The following MPPED2 variants were observed in gnomAD, a reference collection of about 807,000 sequenced individuals.
The protein encoded by MPPED2 is metallophosphoesterase domain containing 2.
In MPPED2, 5 loss-of-function variants were observed where a neutral mutation model predicts 33.0. The ratio of observed to expected loss-of-function variants is 0.15; its 90% CI spans 0.08 to 0.32. The LOEUF (loss-of-function observed/expected upper bound fraction) is 0.32. MPPED2 is among the 10% of genes least tolerant of loss of function. The pLI is 1.00. For missense variants in MPPED2, 275 were observed against 372.1 expected (o/e 0.74, Z 2.15); for synonymous variants, 136 against 141.9 (o/e 0.96, Z 0.29).
intron 2 of MPPED2, among the ~76,000 whole-genome samples, chr11:30,572,755 T>C (rs939210104): frequency 2.6e-5 from 4 of 152,188 alleles, no homozygotes; most frequent in Non-Finnish European, 4.4e-5. Flanking sequence ...TTTTCCTCTG[T>C]GTGAGCGTTA....
At chr11:30,471,139 C>T (rs1020198258) in intron 4 of MPPED2, among the ~76,000 whole-genome samples, 2 of 152,176 alleles carry the variant, frequency 1.3e-5, no homozygotes, top group African/African-American at 4.8e-5. Context: ...CTAAACCTTT[C>T]AATTCTGTCT....
intron 4 of MPPED2, among the ~76,000 whole-genome samples, chr11:30,470,415 A>G (rs1464235394): frequency 1.3e-5 from 2 of 152,160 alleles, no homozygotes; most frequent in African/African-American, 4.8e-5. Flanking sequence ...AATCGTCTGG[A>G]GACAGGGGGT....
chr11:30,471,094 A>C (rs1250308133), intron 4 of MPPED2, among the ~76,000 whole-genome samples: 1 of 152,180 alleles, frequency 6.6e-6, no homozygotes, highest in Non-Finnish European at 1.5e-5. Flanking sequence ...CAGAAATTTA[A>C]TCTTAACTTC....
intron 3 of MPPED2, among the ~76,000 whole-genome samples, chr11:30,512,404 A>C (rs984343290): frequency 4.6e-5 from 7 of 152,204 alleles, no homozygotes; most frequent in Admixed American, 4.6e-4. Context: ...TTCTCGTTGC[A>C]TGCTGGGGCA....
At chr11:30,470,523 C>G (rs11031105) in intron 4 of MPPED2, among the ~76,000 whole-genome samples, 34,723 of 151,976 alleles carry the variant, frequency 0.23, 4,927 homozygotes, top group Non-Finnish European at 0.32. Flanking sequence ...TAAAATTGAC[C>G]GTGGTAATGA....
intron 2 of MPPED2, among the ~76,000 whole-genome samples, chr11:30,541,079 C>T (rs888674297): frequency 1.3e-5 from 2 of 152,152 alleles, no homozygotes; most frequent in African/African-American, 4.8e-5. Context: ...CACTGCTGAA[C>T]AAATTGGCAG....
rs141514485 is a variant in MPPED2 at position 30,419,681 on chromosome 11, G to A, written c.537-2048C>T. On this transcript the variant is annotated intron_variant, in intron 4 of 6. Transcript: ENST00000358117. Reference sequence around the variant, plus strand: ...TACATATGACCCAAGTTGTGTCAATGAGAGTCACCCTCAGGATTTGGCTGG... The same window carrying A: ...TACATATGACCCAAGTTGTGTCAATAAGAGTCACCCTCAGGATTTGGCTGG... Among the ~76,000 whole-genome samples, 80 of 152,270 alleles carry A rather than the reference G, an allele frequency of 5.3e-4. 1 individual carries two copies. Among genetic ancestry groups the A allele is most frequent in the African/African-American group, 1.8e-3 (73 of 41,564 alleles).
At chr11:30,540,749 T>G (rs1428215773) in intron 2 of MPPED2, among the ~76,000 whole-genome samples, 1 of 152,180 alleles carries the variant, frequency 6.6e-6, no homozygotes, top group African/African-American at 2.4e-5. Flanking sequence ...CCCTCCTTCT[T>G]AATCCTAGTT....
intron 4 of MPPED2, among the ~76,000 whole-genome samples, chr11:30,463,657 G>A (rs113830591): frequency 6.6e-6 from 1 of 152,300 alleles, no homozygotes; most frequent in Non-Finnish European, 1.5e-5. Flanking sequence ...GAAGTGTAAA[G>A]GAAGAAACAG....
At chr11:30,532,058 A>G (rs1451601550) in intron 3 of MPPED2, among the ~76,000 whole-genome samples, 1 of 152,210 alleles carries the variant, frequency 6.6e-6, no homozygotes, top group Non-Finnish European at 1.5e-5. Flanking sequence ...CTCACACGTT[A>G]AAAGGAAGCT....
At chr11:30,402,344 C>T (rs570985161) in intron 6 of MPPED2, among the ~76,000 whole-genome samples, 2 of 152,154 alleles carry the variant, frequency 1.3e-5, no homozygotes, top group Non-Finnish European at 1.5e-5. Context: ...GCTGGAGATA[C>T]GTGATTTATT....
chr11:30,545,211 G>T (rs1157814619), intron 2 of MPPED2, among the ~76,000 whole-genome samples: 1 of 152,092 alleles, frequency 6.6e-6, no homozygotes, highest in Non-Finnish European at 1.5e-5. Context: ...AGGAAAAGTG[G>T]GGTTGCTCCC....
At chr11:30,539,924 T>G (rs1955008694) in intron 2 of MPPED2, among the ~76,000 whole-genome samples, 1 of 152,150 alleles carries the variant, frequency 6.6e-6, no homozygotes, top group Non-Finnish European at 1.5e-5. Context: ...CACCCCCACC[T>G]GGCTTCAATT....
chr11:30,410,195 C>T (rs1948052604), downstream of MPPED2: 1 of 985,824 alleles, frequency 1.0e-6, no homozygotes, highest in African/African-American at 1.7e-5. Context: ...CTACCATCCT[C>T]CACCATCCAA....
At chr11:30,465,433 C>A (rs1950667481) in intron 4 of MPPED2, among the ~76,000 whole-genome samples, 1 of 152,060 alleles carries the variant, frequency 6.6e-6, no homozygotes, top group Non-Finnish European at 1.5e-5. Context: ...GATTACAGGC[C>A]CACGGCATCA....
intron 3 of MPPED2, among the ~76,000 whole-genome samples, chr11:30,520,258 A>T (rs114363873): frequency 0.017 from 2,589 of 152,352 alleles, 67 homozygotes; most frequent in African/African-American, 0.059. Flanking sequence ...AATGTACACA[A>T]AACTTGCTGC....
intron 3 of MPPED2, among the ~76,000 whole-genome samples, chr11:30,506,468 T>C (rs915513650): frequency 2.6e-5 from 4 of 152,256 alleles, no homozygotes; most frequent in African/African-American, 9.6e-5. Flanking sequence ...AAACTAGTAG[T>C]GTTGGCTGAC....
intron 2 of MPPED2, among the ~76,000 whole-genome samples, chr11:30,551,139 G>C (rs1026832770): frequency 6.6e-6 from 1 of 151,810 alleles, no homozygotes; most frequent in Admixed American, 6.6e-5. Context: ...GTTAGCAGCA[G>C]AACTGGATCC....
intron 3 of MPPED2, among the ~76,000 whole-genome samples, chr11:30,527,769 T>G (rs755160024): frequency 4.6e-5 from 7 of 152,080 alleles, no homozygotes; most frequent in East Asian, 1.9e-4. Flanking sequence ...ACAAGAGACT[T>G]CAGGGCCACC....
Sources: gnomAD v4.1 joint callset for allele counts (sites outside exome capture counted in the v4.1 genomes callset) on GRCh38, gnomAD v4.1.1 for gene constraint, MANE v1.5 for transcripts, NCBI Gene and HGNC (gene_info 2026-07-23, HGNC 2026-07-21) for gene names.